SEMA3A: variants seen among roughly 807,000 people sequenced by gnomAD.
SEMA3A encodes the protein semaphorin 3A.
SEMA3A carries 29 observed loss-of-function variants against 97.9 expected under a neutral mutation model. The ratio of observed to expected loss-of-function variants is 0.30; its 90% CI spans 0.22 to 0.40. The LOEUF (loss-of-function observed/expected upper bound fraction) is 0.40, where lower values mean the gene tolerates loss of function less well. SEMA3A is among the 10% of genes least tolerant of loss of function. The pLI is 1.00. For synonymous variants in SEMA3A, 321 were observed against 323.7 expected (o/e 0.99, Z 0.09); for missense variants, 763 against 951.3 (o/e 0.80, Z 2.60).
intron 1 of SEMA3A, among the ~76,000 whole-genome samples, chr7:84,451,422 A>C (rs917855402): frequency 1.3e-5 from 2 of 152,226 alleles, no homozygotes; most frequent in South Asian, 2.1e-4. Flanking sequence ...CAGCTATCAC[A>C]AATAACTCCT....
Position 83,981,444 on chromosome 7 carries a change from G to A in SEMA3A, c.1529C>T (p.Ala510Val). The A allele has an allele frequency of 6.2e-7, 1 of 1,612,974 alleles. No individual in the cohort carries two copies. Among genetic ancestry groups the A allele is most frequent in the East Asian group, 2.2e-5 (1 of 44,828 alleles). ...QLYIGSTAGV[A>V]QLPLHRCDIY... ...ATCACACCGGTGTAAAGGGAGCTGGGCAACCCCAGCCGTTGAACCAATATA... is the reference window on the plus strand; with the variant it reads ...ATCACACCGGTGTAAAGGGAGCTGGACAACCCCAGCCGTTGAACCAATATA... The change falls in exon 14 of 17, where the codon GCC (alanine) becomes GTC (valine). Residue 510 changes from alanine (A) to valine (V), a missense_variant. Ala to Val is a moderately conservative substitution (Grantham distance 64, BLOSUM62 0). Transcript: ENST00000265362.
rs552742965 is a variant in SEMA3A, at chr7:84,263,620, CTAT to C, written c.-83+43584_-83+43586del. Among the ~76,000 whole-genome samples, 75 of 152,284 alleles carry C rather than the reference CTAT, an allele frequency of 4.9e-4. 1 individual carries two copies. The highest frequency in any genetic ancestry group is 1.8e-3 in the African/African-American group (73 of 41,566). ...ATAGTCAATGCCATATAAGCATTTG[CTAT>C]TATTATTCCCTCTCTCTTTCTTCTC... On this transcript the variant is annotated intron_variant, in intron 3 of 3. Coordinates refer to the SEMA3A transcript ENST00000424555.
In SEMA3A at chr7:84,432,138, C is replaced by T. The variant is rs549841310; in HGVS notation, c.-245-60238G>A. 2.2e-4 allele frequency among the ~76,000 whole-genome samples: 34 copies of T among 151,896 alleles called. No individual in the cohort carries two copies. In the South Asian group the frequency reaches 2.3e-3, roughly 10 times the overall value. ...CTAATAATAATAGATAAGAAAAATC[C>T]ACCCAATCTGTCATTTATAAAACCT... On this transcript the variant is annotated intron_variant, in intron 1 of 3. Coordinates refer to the SEMA3A transcript ENST00000424555.
At chr7:84,265,066 G>C (rs909045232) in intron 3 of SEMA3A, among the ~76,000 whole-genome samples, 2 of 152,028 alleles carry the variant, frequency 1.3e-5, no homozygotes, top group African/African-American at 4.8e-5. Context: ...GAAGATGAAG[G>C]CTTCACTTGA....
chr7:84,426,547 A>C (rs1008196312), intron 1 of SEMA3A, among the ~76,000 whole-genome samples: 1 of 152,092 alleles, frequency 6.6e-6, no homozygotes, highest in Non-Finnish European at 1.5e-5. Context: ...CTTGAGGTAA[A>C]GTAGTTTGTT....
At position 84,446,892 on chromosome 7, in the gene SEMA3A, T is replaced by G. The variant is rs962269783; in HGVS notation, c.-246+45568A>C. On this transcript the variant is annotated intron_variant, in intron 1 of 3. Coordinates refer to the SEMA3A transcript ENST00000424555. Reference sequence around the variant, plus strand: ...GTCAGGAACAGGTGGGAGCCCCACCTGCTTTTAAGTGGGTGGGGCAGGAGC... The same window carrying G: ...GTCAGGAACAGGTGGGAGCCCCACCGGCTTTTAAGTGGGTGGGGCAGGAGC... 5.3e-5 allele frequency among the ~76,000 whole-genome samples: 8 copies of G among 151,986 alleles called. No homozygotes were observed. The East Asian group carries it at 1.4e-3, about 26-fold the overall frequency.
chr7:84,077,847 A>T (rs1794006888), intron 4 of SEMA3A, among the ~76,000 whole-genome samples: 1 of 152,030 alleles, frequency 6.6e-6, no homozygotes. Flanking sequence ...AAAGAAAAAA[A>T]ATCAAAGCAA....
At chr7:84,356,447 A>G (rs983245954) in intron 2 of SEMA3A, among the ~76,000 whole-genome samples, 1 of 151,552 alleles carries the variant, frequency 6.6e-6, no homozygotes, top group Non-Finnish European at 1.5e-5. Context: ...ATATTATAAG[A>G]AAATGGTGTG....
intron 12 of SEMA3A, among the ~76,000 whole-genome samples, chr7:83,997,023 G>T (rs1446661510): frequency 2.0e-5 from 3 of 152,156 alleles, no homozygotes; most frequent in African/African-American, 7.2e-5. Flanking sequence ...TGATTAGTCA[G>T]GGTGTTCTTA....
At chr7:84,109,302 C>T (rs1308462684) in intron 4 of SEMA3A, among the ~76,000 whole-genome samples, 1 of 152,230 alleles carries the variant, frequency 6.6e-6, no homozygotes. Context: ...TTCAGTCTGT[C>T]AGCATAAATA....
intron 2 of SEMA3A, among the ~76,000 whole-genome samples, chr7:84,337,527 G>A (rs568712919): frequency 3.4e-4 from 52 of 152,160 alleles, no homozygotes; most frequent in Non-Finnish European, 5.9e-4. Flanking sequence ...ATCCCAAGCC[G>A]CAGAAGACTA....
At chr7:84,093,595 A>G (rs1482782555) in intron 4 of SEMA3A, among the ~76,000 whole-genome samples, 3 of 152,204 alleles carry the variant, frequency 2.0e-5, no homozygotes, top group Non-Finnish European at 4.4e-5. Context: ...ATATATATAC[A>G]TTATAAAATA....
chr7:83,962,457 T>C (rs1370033786), intron 16 of SEMA3A, among the ~76,000 whole-genome samples: 1 of 152,110 alleles, frequency 6.6e-6, no homozygotes, highest in Non-Finnish European at 1.5e-5. Context: ...TATGATGGGA[T>C]TATATAGTTT....
At chr7:84,367,775 T>C (rs1203143826) in intron 2 of SEMA3A, among the ~76,000 whole-genome samples, 1 of 150,994 alleles carries the variant, frequency 6.6e-6, no homozygotes, top group Non-Finnish European at 1.5e-5. Context: ...AAGATAAAGA[T>C]GGAAATGAAA....
At chr7:84,463,480 C>A (rs950053809) in intron 1 of SEMA3A, among the ~76,000 whole-genome samples, 1 of 151,942 alleles carries the variant, frequency 6.6e-6, no homozygotes, top group Non-Finnish European at 1.5e-5. Context: ...GATCTCCTAA[C>A]CTCGTGATCC....
chr7:84,095,351 TTATATACATATA>T (rs1160663241), intron 4 of SEMA3A, among the ~76,000 whole-genome samples: 1 of 29,624 alleles, frequency 3.4e-5, no homozygotes, highest in Non-Finnish European at 8.0e-5. Flanking sequence ...TTTATATTTT[TTATATACATATA>T]TATATATATA....
At chr7:84,468,351 T>C (rs564553440) in intron 1 of SEMA3A, among the ~76,000 whole-genome samples, 2 of 152,330 alleles carry the variant, frequency 1.3e-5, no homozygotes, top group East Asian at 1.9e-4. Flanking sequence ...CTGGGACTCA[T>C]TCCTAAGTGG....
intron 7 of SEMA3A, among the ~76,000 whole-genome samples, chr7:84,013,245 G>A (rs1369434899): frequency 3.3e-5 from 5 of 152,230 alleles, no homozygotes; most frequent in East Asian, 1.9e-4. Flanking sequence ...ACTAGGCACC[G>A]TAGAGGGAAA....
intron 1 of SEMA3A, among the ~76,000 whole-genome samples, chr7:84,181,049 A>G (rs992659521): frequency 6.6e-6 from 1 of 152,076 alleles, no homozygotes; most frequent in African/African-American, 2.4e-5. Context: ...ATATGAACTT[A>G]TGCTTTTTCT....
Sources: allele counts gnomAD v4.1 joint callset (sites outside exome capture counted in the v4.1 genomes callset), GRCh38; gene constraint gnomAD v4.1.1; transcripts MANE v1.5; gene names NCBI Gene and HGNC (gene_info 2026-07-23, HGNC 2026-07-21).